The following COMMD7 variants were observed in gnomAD, a reference collection of about 807,000 sequenced individuals.
COMMD7 encodes COMM domain containing 7.
COMMD7 carries 28 observed loss-of-function variants against 34.8 expected under a neutral mutation model. That is an observed-to-expected ratio of 0.80 (90% CI 0.60 to 1.10). COMMD7 has a LOEUF of 1.10. COMMD7 is among the 50% of genes least tolerant of loss of function. COMMD7 has a pLI of 0.00. For missense variants in COMMD7, 211 were observed against 241.6 expected (o/e 0.87, Z 0.84); for synonymous variants, 80 against 86.4 (o/e 0.93, Z 0.41).
intron 3 of COMMD7, among the ~76,000 whole-genome samples, chr20:32,708,620 T>C (rs1324458115): frequency 6.6e-6 from 1 of 151,876 alleles, no homozygotes; most frequent in African/African-American, 2.4e-5. Context: ...AATGCTTTAT[T>C]TGACAATCCC....
chr20:32,733,170 G>A (rs1601002549), intron 1 of COMMD7, among the ~76,000 whole-genome samples: 1 of 152,034 alleles, frequency 6.6e-6, no homozygotes, highest in East Asian at 1.9e-4. Flanking sequence ...AGCTGAGATT[G>A]TGCCACTGCA....
At chr20:32,703,584 T>C (rs1983875308) in intron 8 of COMMD7, 126 bp from the exon 9 acceptor site, 5 of 1,457,936 alleles carry the variant, frequency 3.4e-6, no homozygotes, top group Non-Finnish European at 4.5e-6. Flanking sequence ...CAGCTCTTGA[T>C]GGGTAACTGA....
At chr20:32,720,146 C>G (rs1192781197) in intron 3 of COMMD7, among the ~76,000 whole-genome samples, 1 of 152,200 alleles carries the variant, frequency 6.6e-6, no homozygotes. Context: ...GCCTGAAAAG[C>G]CCATCTCTTC....
intron 3 of COMMD7, among the ~76,000 whole-genome samples, 166 bp from the exon 4 acceptor site, chr20:32,706,926 C>A (rs535328977): frequency 5.3e-5 from 8 of 151,998 alleles, no homozygotes; most frequent in African/African-American, 1.9e-4. Context: ...TCCGAAATGA[C>A]CAGAAAACAA....
intron 1 of COMMD7, among the ~76,000 whole-genome samples, chr20:32,733,156 A>C (rs557788784): frequency 6.6e-6 from 1 of 152,166 alleles, no homozygotes; most frequent in South Asian, 2.1e-4. Context: ...CGGAGGCTAC[A>C]GCAAGCTGAG....
rs558018851 is a variant in COMMD7 at position 32,703,003 on chromosome 20, G to T, written c.*379C>A. ...ATTCCTCAGCCATAAACAAGCTCTT[G>T]CTTTTTGGGAGGAGGGTGATCAGCA... is the stretch of plus-strand genomic sequence containing the variant. On this transcript the variant is annotated 3_prime_UTR_variant, in exon 9 of 9. Transcript: ENST00000278980. The T allele has an allele frequency of 1.7e-5, 3 of 181,168 alleles. No individual in the cohort carries two copies. The South Asian group carries it at 4.4e-4, about 26-fold the overall frequency. The allele number at this position is 181,168 out of a possible 1,614,324, so 11.2% of individuals were successfully genotyped here.
In COMMD7 at chr20:32,703,302, A is replaced by C; in HGVS notation, c.*80T>G. 7.7e-7 allele frequency: 1 copy of C among 1,296,750 alleles called. No individual in the cohort carries two copies. 80.3% of individuals were successfully genotyped at this position (1,296,750 alleles called of 1,614,324 possible). ...CCATGGAGCATCCCACAGGCCTGTG[A>C]GTGAAGTGCCTCTCAGAGCAGTCAC... is the stretch of plus-strand genomic sequence containing the variant. On this transcript the variant is annotated 3_prime_UTR_variant, in exon 9 of 9. Transcript: ENST00000278980.
intron 3 of COMMD7, among the ~76,000 whole-genome samples, chr20:32,717,321 A>ATT (rs59777332): frequency 1.4e-5 from 2 of 141,374 alleles, no homozygotes; most frequent in East Asian, 2.1e-4. Context: ...TGCCCAGTTA[A>ATT]TTTTTTTTTT....
chr20:32,717,692 C>A (rs1354218195), intron 3 of COMMD7, among the ~76,000 whole-genome samples: 1 of 152,008 alleles, frequency 6.6e-6, no homozygotes, highest in African/African-American at 2.4e-5. Flanking sequence ...CAACTCCTGG[C>A]CTCAAGAGAT....
rs1009633183 is a variant in COMMD7, at chr20:32,743,408, C to T, written c.-17G>A. 2.8e-5 allele frequency: 38 copies of T among 1,341,124 alleles called. No individual in the cohort carries two copies. The African/African-American group carries it at 5.7e-4, about 20-fold the overall frequency. 83.1% of individuals were successfully genotyped at this position (1,341,124 alleles called of 1,614,324 possible). A position where few individuals can be genotyped will look rare whatever the true frequency, so the allele number is the denominator to read the frequency against. On this transcript the variant is annotated 5_prime_UTR_variant, in exon 1 of 9. Transcript: ENST00000278980. ...GCGGCCCATGGCGCGCGCCCCAGCC[C>T]CGCAGGTTCCACCGCCGCCGCCGCC... is the stretch of plus-strand genomic sequence containing the variant.
intron 6 of COMMD7, 103 bp downstream of exon 6, chr20:32,704,711 T>G: frequency 1.1e-6 from 1 of 880,870 alleles, no homozygotes; most frequent in Non-Finnish European, 1.9e-6. Context: ...GCCCCAACAG[T>G]GCTAGGGACT....
At chr20:32,741,885 G>A (rs1469871361) in intron 1 of COMMD7, among the ~76,000 whole-genome samples, 3 of 152,144 alleles carry the variant, frequency 2.0e-5, no homozygotes, top group Non-Finnish European at 4.4e-5. Flanking sequence ...ACTCTAGGAT[G>A]CTTGCATAAG....
intron 5 of COMMD7, 54 bp from the exon 6 acceptor site, chr20:32,704,958 C>T: frequency 1.6e-6 from 2 of 1,246,034 alleles, no homozygotes; most frequent in South Asian, 2.4e-5. Context: ...CTCCCCCTCT[C>T]CATCCTGCCC....
In COMMD7 at chr20:32,711,408, T is replaced by TA. The variant is rs1984440053; in HGVS notation, c.242-4649_242-4648insT. Among the ~76,000 whole-genome samples, 2 of 13,208 alleles carry TA rather than the reference T, an allele frequency of 1.5e-4. 1 individual carries two copies. Among genetic ancestry groups the TA allele is most frequent in the African/African-American group, 5.0e-4 (2 of 4,018 alleles). 8.7% of individuals were successfully genotyped at this position (13,208 alleles called of 152,430 possible). On this transcript the variant is annotated intron_variant, in intron 3 of 8. Transcript: ENST00000278980. ...TGAGACTCTGTCTAAAAAAAAAAAA[T>TA]GTTACTTAAAAAAAAAAAAAAAAGG...
At chr20:32,712,043 G>A (rs963571467) in intron 3 of COMMD7, among the ~76,000 whole-genome samples, 2 of 151,794 alleles carry the variant, frequency 1.3e-5, no homozygotes, top group African/African-American at 4.8e-5. Flanking sequence ...AGTCCGAGGT[G>A]GGCAGATCAT....
At chr20:32,706,274 G>A (rs904973660) in intron 5 of COMMD7, among the ~76,000 whole-genome samples, 7 of 151,832 alleles carry the variant, frequency 4.6e-5, no homozygotes, top group Non-Finnish European at 8.8e-5. Context: ...AGCACTTTGG[G>A]AGGCCAAGGT....
chr20:32,721,522 A>G (rs999067645), intron 3 of COMMD7, among the ~76,000 whole-genome samples: 1 of 152,192 alleles, frequency 6.6e-6, no homozygotes, highest in African/African-American at 2.4e-5. Flanking sequence ...AGGTGGGCGG[A>G]TCACTTGGGG....
intron 5 of COMMD7, 70 bp from the exon 6 acceptor site, chr20:32,704,974 A>G: frequency 8.9e-7 from 1 of 1,120,418 alleles, no homozygotes; most frequent in Non-Finnish European, 1.4e-6. Flanking sequence ...TGCCCTAAAC[A>G]TTGCAATATT....
intron 3 of COMMD7, among the ~76,000 whole-genome samples, chr20:32,712,484 G>A (rs1261939018): frequency 6.6e-6 from 1 of 151,062 alleles, no homozygotes; most frequent in Non-Finnish European, 1.5e-5. Flanking sequence ...CTCTAGCCTG[G>A]TGACAGAGCA....
Sources: gnomAD v4.1 joint callset for allele counts (sites outside exome capture counted in the v4.1 genomes callset) on GRCh38, gnomAD v4.1.1 for gene constraint, MANE v1.5 for transcripts, NCBI Gene and HGNC (gene_info 2026-07-23, HGNC 2026-07-21) for gene names.